Variants in VPS13B observed in about 807,000 individuals in gnomAD.
The protein encoded by VPS13B is vacuolar protein sorting 13 homolog B, also known as intermembrane lipid transfer protein VPS13B.
In VPS13B, 285 loss-of-function variants were observed where a neutral mutation model predicts 426.4. That is an observed-to-expected ratio of 0.67 (90% CI 0.61 to 0.74). VPS13B has a LOEUF of 0.74. Ranked by LOEUF, VPS13B falls within the 30% of genes least tolerant of loss-of-function variation. The pLI, the probability that VPS13B is intolerant of heterozygous loss-of-function variation, is 0.00. For synonymous variants in VPS13B, 1,676 were observed against 1,676.4 expected, an observed-to-expected ratio of 1.00 and a Z score of 0.01; for missense variants, 4,537 against 4,782.6, an observed-to-expected ratio of 0.95 and a Z score of 1.51.
At chr8:99,442,349 G>T in intron 22 of VPS13B, 52 bp from the exon 23 acceptor site, 1 of 1,499,778 alleles carries the variant, frequency 6.7e-7, no homozygotes. Context: ...TTAGGTGTTT[G>T]AAGGCATATT....
At chr8:99,472,140 A>C (rs1819443729) in intron 24 of VPS13B, among the ~76,000 whole-genome samples, 1 of 152,118 alleles carries the variant, frequency 6.6e-6, no homozygotes, top group South Asian at 2.1e-4. Flanking sequence ...AAGATAGAGA[A>C]TTCTAGAATC....
chr8:99,302,770 A>G (rs564071812), intron 19 of VPS13B, among the ~76,000 whole-genome samples: 1 of 152,148 alleles, frequency 6.6e-6, no homozygotes, highest in South Asian at 2.1e-4. Flanking sequence ...TGGCCTCCCA[A>G]AATGCTGGGA....
At chr8:99,376,874 A>G (rs925381139) in intron 19 of VPS13B, among the ~76,000 whole-genome samples, 1 of 152,082 alleles carries the variant, frequency 6.6e-6, no homozygotes, top group Non-Finnish European at 1.5e-5. Flanking sequence ...TGCATAATCT[A>G]AAAGAACATA....
intron 39 of VPS13B, among the ~76,000 whole-genome samples, chr8:99,730,801 G>A (rs1212093573): frequency 1.3e-5 from 2 of 151,910 alleles, no homozygotes; most frequent in East Asian, 3.9e-4. Context: ...ACAGGTACAG[G>A]TACCTCCTGA....
intron 36 of VPS13B, among the ~76,000 whole-genome samples, chr8:99,711,701 A>C (rs1382041142): frequency 6.6e-6 from 1 of 152,216 alleles, no homozygotes; most frequent in Admixed American, 6.5e-5. Context: ...TCAATATTAG[A>C]AATGTTCTGG....
intron 3 of VPS13B, among the ~76,000 whole-genome samples, chr8:99,075,256 G>A (rs1845056238): frequency 6.6e-6 from 1 of 152,306 alleles, no homozygotes; most frequent in Admixed American, 6.5e-5. Flanking sequence ...CAGTTCTGCA[G>A]GCTGTATAGT....
intron 33 of VPS13B, among the ~76,000 whole-genome samples, chr8:99,587,998 A>G (rs1257189304): frequency 1.3e-5 from 2 of 151,714 alleles, no homozygotes; most frequent in African/African-American, 2.4e-5. Flanking sequence ...TAATTTTTGT[A>G]TAAGGTGTAA....
At chr8:99,070,930 G>T (rs1306793321) in intron 3 of VPS13B, among the ~76,000 whole-genome samples, 1 of 151,946 alleles carries the variant, frequency 6.6e-6, no homozygotes, top group Non-Finnish European at 1.5e-5. Context: ...CAGAATTTCT[G>T]CTTGATTTCC....
intron 55 of VPS13B, among the ~76,000 whole-genome samples, chr8:99,851,655 C>T (rs1816301530): frequency 6.6e-6 from 1 of 151,974 alleles, no homozygotes; most frequent in Admixed American, 6.6e-5. Flanking sequence ...CAAAGGCCTG[C>T]AACAACATGC....
intron 19 of VPS13B, among the ~76,000 whole-genome samples, chr8:99,294,917 C>CA (rs1819946977): frequency 6.6e-6 from 1 of 152,138 alleles, no homozygotes; most frequent in Non-Finnish European, 1.5e-5. Flanking sequence ...AGGATGGCAT[C>CA]ATGTGGCTGG....
chr8:99,358,954 A>T (rs568366972), intron 19 of VPS13B, among the ~76,000 whole-genome samples: 2 of 152,280 alleles, frequency 1.3e-5, no homozygotes, highest in African/African-American at 4.8e-5. Context: ...AATTGATTTA[A>T]GTGTTTCAGA....
chr8:99,343,243 A>G (rs1404611583), intron 19 of VPS13B, among the ~76,000 whole-genome samples: 2 of 151,756 alleles, frequency 1.3e-5, no homozygotes, highest in Non-Finnish European at 2.9e-5. Context: ...ACAGGCACGC[A>G]CCACCATGCC....
intron 19 of VPS13B, among the ~76,000 whole-genome samples, chr8:99,379,193 C>T (rs935116934): frequency 6.6e-6 from 1 of 152,136 alleles, no homozygotes; most frequent in Non-Finnish European, 1.5e-5. Flanking sequence ...TGAAACCATT[C>T]CTCCACCCCC....
rs113552411 is a variant in VPS13B, at chr8:99,138,276, G to A, written c.1651+1524G>A. ...TAAGTGGCTGGGACTACAGGCATGC[G>A]CTGCCATGCCTGGCTAATTTTTGTA... On this transcript the variant is annotated intron_variant, in intron 12 of 61. Transcript: ENST00000357162. 4.6e-5 allele frequency among the ~76,000 whole-genome samples: 7 copies of A among 152,262 alleles called. 1 individual carries two copies. The highest frequency in any genetic ancestry group is 3.9e-4 in the East Asian group (2 of 5,170).
At chr8:99,013,623 C>T (rs1303152997) in intron 1 of VPS13B, 137 bp from the exon 2 acceptor site, 1 of 737,056 alleles carries the variant, frequency 1.4e-6, no homozygotes, top group Non-Finnish European at 2.3e-6. Flanking sequence ...GCTGGGAGTC[C>T]GCTGGAGTTT....
rs140399689 is a variant in VPS13B, at chr8:99,689,650, T to C, written c.6047-9875T>C. On this transcript the variant is annotated intron_variant, in intron 35 of 61. Transcript: ENST00000357162. The stretch of plus-strand genomic sequence containing the variant: ...CTGGGCAACATAATGGGATCCAATC[T>C]ATTGAAAAAAGAGAAAGACAAGTTA... 2.2e-3 allele frequency among the ~76,000 whole-genome samples: 340 copies of C among 152,266 alleles called. 1 individual carries two copies. Among genetic ancestry groups the C allele is most frequent in the African/African-American group, 7.6e-3 (315 of 41,550 alleles).
chr8:99,793,398 G>A (rs764400957), intron 43 of VPS13B, among the ~76,000 whole-genome samples: 14 of 151,564 alleles, frequency 9.2e-5, no homozygotes, highest in Non-Finnish European at 1.3e-4. Context: ...GGAAAACAAC[G>A]CATTACCTAC....
At chr8:99,572,494 C>T (rs530882485) in intron 31 of VPS13B, among the ~76,000 whole-genome samples, 2 of 151,546 alleles carry the variant, frequency 1.3e-5, no homozygotes, top group South Asian at 4.2e-4. Flanking sequence ...TGATGTTCCC[C>T]ACCCTGTGTC....
intron 17 of VPS13B, among the ~76,000 whole-genome samples, chr8:99,242,454 T>A (rs557884873): frequency 1.3e-5 from 2 of 152,250 alleles, no homozygotes; most frequent in Non-Finnish European, 2.9e-5. Flanking sequence ...ATTTATAACC[T>A]CTTTATTGTT....
Sources: allele counts gnomAD v4.1 joint callset (sites outside exome capture counted in the v4.1 genomes callset), GRCh38; gene constraint gnomAD v4.1.1; transcripts MANE v1.5; gene names NCBI Gene and HGNC (gene_info 2026-07-23, HGNC 2026-07-21).